Variants in VAV3 observed in about 807,000 individuals in gnomAD.
VAV3 encodes the protein vav guanine nucleotide exchange factor 3.
VAV3 carries 94 observed loss-of-function variants against 131.2 expected under a neutral mutation model. The observed-to-expected ratio is 0.72, with a 90% CI of 0.61 to 0.85. The LOEUF (loss-of-function observed/expected upper bound fraction) is 0.85, where lower values mean the gene tolerates loss of function less well. Ranked by LOEUF, VAV3 falls within the 40% of genes least tolerant of loss-of-function variation. The pLI is 0.00. For synonymous variants in VAV3, 349 were observed against 342.0 expected (o/e 1.02, Z -0.22); for missense variants, 939 against 1,002.7 (o/e 0.94, Z 0.86).
chr1:107,636,625 G>A (rs953244624), intron 20 of VAV3, among the ~76,000 whole-genome samples: 2 of 152,098 alleles, frequency 1.3e-5, no homozygotes. Flanking sequence ...ATTGAAAACT[G>A]ATATAATTTA....
chr1:107,725,123 A>C (rs980229347), intron 15 of VAV3, among the ~76,000 whole-genome samples: 3 of 152,214 alleles, frequency 2.0e-5, no homozygotes, highest in African/African-American at 7.2e-5. Flanking sequence ...AGAAATGATA[A>C]AACCATGGAG....
At chr1:107,802,299 A>G (rs1248555460) in intron 2 of VAV3, among the ~76,000 whole-genome samples, 1 of 152,054 alleles carries the variant, frequency 6.6e-6, no homozygotes, top group Non-Finnish European at 1.5e-5. Flanking sequence ...TCATCTGCAT[A>G]TAACGATAAT....
At chr1:107,595,416 A>T (rs1651294271) in intron 25 of VAV3, among the ~76,000 whole-genome samples, 1 of 130,010 alleles carries the variant, frequency 7.7e-6, no homozygotes. Context: ...ATACCTCTAG[A>T]TATCCCAGTG....
At chr1:107,705,914 G>A (rs1660422395) in intron 15 of VAV3, among the ~76,000 whole-genome samples, 1 of 152,128 alleles carries the variant, frequency 6.6e-6, no homozygotes, top group South Asian at 2.1e-4. Context: ...TATAGCTCAA[G>A]GAGGAGATTC....
intron 17 of VAV3, among the ~76,000 whole-genome samples, chr1:107,694,109 A>G (rs903154839): frequency 5.3e-5 from 8 of 152,184 alleles, no homozygotes; most frequent in Non-Finnish European, 7.4e-5. Context: ...CTTAAAGCCA[A>G]TGGGACCTGG....
At chr1:107,906,724 G>T (rs1277577505) in intron 1 of VAV3, among the ~76,000 whole-genome samples, 1 of 151,948 alleles carries the variant, frequency 6.6e-6, no homozygotes, top group Non-Finnish European at 1.5e-5. Flanking sequence ...TAAAATAACA[G>T]ATCATCTCTA....
intron 15 of VAV3, among the ~76,000 whole-genome samples, chr1:107,732,010 G>A (rs17019846): frequency 0.088 from 13,341 of 152,196 alleles, 836 homozygotes; most frequent in East Asian, 0.25. Context: ...TCTAAGTGAA[G>A]AGAAAAAATA....
intron 2 of VAV3, among the ~76,000 whole-genome samples, chr1:107,818,563 T>A (rs946739963): frequency 1.1e-4 from 16 of 152,132 alleles, no homozygotes; most frequent in African/African-American, 3.6e-4. Flanking sequence ...ACAGTTAAAA[T>A]AAACTAAAGG....
intron 15 of VAV3, among the ~76,000 whole-genome samples, chr1:107,725,486 T>C (rs942489864): frequency 2.6e-5 from 4 of 152,134 alleles, no homozygotes; most frequent in African/African-American, 7.2e-5. Flanking sequence ...GACCAAACTT[T>C]TGAAGAGCTG....
chr1:107,809,568 T>C (rs1044363475), intron 2 of VAV3, among the ~76,000 whole-genome samples: 1 of 152,006 alleles, frequency 6.6e-6, no homozygotes, highest in African/African-American at 2.4e-5. Flanking sequence ...AAACTAAAAT[T>C]TGTAAACCAA....
chr1:107,627,305 T>G (rs1284743837), intron 20 of VAV3, among the ~76,000 whole-genome samples: 1 of 152,210 alleles, frequency 6.6e-6, no homozygotes, highest in Non-Finnish European at 1.5e-5. Flanking sequence ...GCTCATGATT[T>G]TTACCCTGAT....
chr1:107,784,816 T>C (rs1038220737), intron 2 of VAV3, among the ~76,000 whole-genome samples: 2 of 152,194 alleles, frequency 1.3e-5, no homozygotes, highest in Admixed American at 6.5e-5. Context: ...TTAGGGATAA[T>C]AGGTGTCCAG....
At chr1:107,645,530 G>T (rs912908562) in intron 19 of VAV3, among the ~76,000 whole-genome samples, 1 of 151,978 alleles carries the variant, frequency 6.6e-6, no homozygotes, top group African/African-American at 2.4e-5. Context: ...CAATACAGGT[G>T]GGATAAATGG....
chr1:107,787,546 T>G (rs1666074318), intron 2 of VAV3, among the ~76,000 whole-genome samples: 4 of 152,102 alleles, frequency 2.6e-5, no homozygotes, highest in Admixed American at 2.6e-4. Context: ...ACCTGGACAT[T>G]TGCCAGACTC....
intron 25 of VAV3, among the ~76,000 whole-genome samples, chr1:107,576,793 A>C (rs976658475): frequency 3.3e-5 from 5 of 152,234 alleles, no homozygotes; most frequent in African/African-American, 1.2e-4. Context: ...GGTAACCTGT[A>C]GATGCTTACT....
At chr1:107,849,028 C>T (rs1669105064) in intron 2 of VAV3, among the ~76,000 whole-genome samples, 1 of 151,998 alleles carries the variant, frequency 6.6e-6, no homozygotes, top group South Asian at 2.1e-4. Context: ...ATGTGAAGGA[C>T]CTCTTCAAGG....
intron 19 of VAV3, among the ~76,000 whole-genome samples, chr1:107,674,122 A>G (rs1658021865): frequency 6.6e-6 from 1 of 152,254 alleles, no homozygotes; most frequent in Admixed American, 6.5e-5. Flanking sequence ...TAAAAACTAT[A>G]TATTGATTCA....
At chr1:107,825,470 T>G (rs1571005255) in intron 2 of VAV3, among the ~76,000 whole-genome samples, 1 of 151,032 alleles carries the variant, frequency 6.6e-6, no homozygotes, top group Non-Finnish European at 1.5e-5. Flanking sequence ...AAAAAAAAAC[T>G]GCCTAAGCCT....
chr1:107,829,904 C>A (rs1352846851), intron 2 of VAV3, among the ~76,000 whole-genome samples: 1 of 152,056 alleles, frequency 6.6e-6, no homozygotes, highest in Admixed American at 6.6e-5. Flanking sequence ...CCACAAGCAA[C>A]CGAGAGATAA....
Sources: allele counts gnomAD v4.1 joint callset (sites outside exome capture counted in the v4.1 genomes callset), GRCh38; gene constraint gnomAD v4.1.1; transcripts MANE v1.5; gene names NCBI Gene and HGNC (gene_info 2026-07-23, HGNC 2026-07-21).